Variants in LRMDA observed in about 807,000 individuals in gnomAD.
LRMDA encodes the protein leucine rich melanocyte differentiation associated.
LRMDA carries 18 observed loss-of-function variants against 29.8 expected under a neutral mutation model. The ratio of observed to expected loss-of-function variants is 0.60; its 90% CI spans 0.42 to 0.90. LRMDA has a LOEUF of 0.90. LRMDA is among the 40% of genes least tolerant of loss of function. LRMDA has a pLI of 0.00. For synonymous variants in LRMDA, 125 were observed against 109.4 expected, an observed-to-expected ratio of 1.14 and a Z score of -0.89; for missense variants, 273 against 273.9, an observed-to-expected ratio of 1.00 and a Z score of 0.02.
At chr10:76,216,452 A>C (rs1851730059) in intron 5 of LRMDA, among the ~76,000 whole-genome samples, 1 of 152,224 alleles carries the variant, frequency 6.6e-6, no homozygotes, top group Non-Finnish European at 1.5e-5. Flanking sequence ...AGAGTATGTA[A>C]AGAACTCCTA....
intron 2 of LRMDA, among the ~76,000 whole-genome samples, chr10:75,715,029 T>C (rs1027229043): frequency 1.3e-5 from 2 of 152,174 alleles, no homozygotes; most frequent in African/African-American, 2.4e-5. Flanking sequence ...TTCCATGATA[T>C]TCACATCCCG....
At chr10:76,404,213 C>T (rs77246171) in intron 6 of LRMDA, among the ~76,000 whole-genome samples, 7,006 of 152,174 alleles carry the variant, frequency 0.046, 207 homozygotes, top group African/African-American at 0.09. Flanking sequence ...CACCCAGAGG[C>T]GGACACTCCC....
intron 2 of LRMDA, among the ~76,000 whole-genome samples, chr10:75,439,343 A>G (rs735534): frequency 0.039 from 5,964 of 152,248 alleles, 376 homozygotes; most frequent in African/African-American, 0.14. Context: ...TGAGTGGGAC[A>G]GACTGTCCTG....
intron 5 of LRMDA, among the ~76,000 whole-genome samples, chr10:76,282,146 G>T (rs928517957): frequency 6.6e-6 from 1 of 152,176 alleles, no homozygotes; most frequent in African/African-American, 2.4e-5. Context: ...GGTTTCTGGA[G>T]ATATTAGCCT....
intron 2 of LRMDA, among the ~76,000 whole-genome samples, chr10:75,623,154 T>C (rs1236874670): frequency 6.6e-6 from 1 of 152,222 alleles, no homozygotes; most frequent in Non-Finnish European, 1.5e-5. Context: ...GTAATTGTAA[T>C]TTATAATTTA....
intron 2 of LRMDA, among the ~76,000 whole-genome samples, chr10:75,654,976 A>G (rs1233995170): frequency 6.6e-6 from 1 of 152,258 alleles, no homozygotes; most frequent in African/African-American, 2.4e-5. Context: ...CATAAAAATA[A>G]CAGAAATTTC....
At chr10:76,099,304 A>T (rs1849360801) in intron 5 of LRMDA, among the ~76,000 whole-genome samples, 1 of 152,236 alleles carries the variant, frequency 6.6e-6, no homozygotes, top group Non-Finnish European at 1.5e-5. Flanking sequence ...GACAGCCTGG[A>T]GGTTAGAAGC....
chr10:75,621,168 C>T (rs112607046), intron 2 of LRMDA, among the ~76,000 whole-genome samples: 2 of 151,212 alleles, frequency 1.3e-5, no homozygotes, highest in Non-Finnish European at 2.9e-5. Context: ...ACCATTATTT[C>T]GTTCCTTTTT....
intron 2 of LRMDA, among the ~76,000 whole-genome samples, chr10:75,636,068 A>G (rs4745785): frequency 0.18 from 27,380 of 152,208 alleles, 2,538 homozygotes; most frequent in East Asian, 0.31. Flanking sequence ...GATTAATCCT[A>G]TGCAAATGTT....
chr10:75,737,691 G>A (rs1167894107), intron 2 of LRMDA, among the ~76,000 whole-genome samples: 2 of 152,156 alleles, frequency 1.3e-5, no homozygotes, highest in African/African-American at 4.8e-5. Context: ...CTCAGCCTAA[G>A]TTGGCTAGCT....
At chr10:76,458,170 TGTTTTG>T (rs1564547134) in intron 6 of LRMDA, among the ~76,000 whole-genome samples, 2 of 150,186 alleles carry the variant, frequency 1.3e-5, no homozygotes, top group East Asian at 3.9e-4. Flanking sequence ...AAATTTGGCC[TGTTTTG>T]TATATATTTG....
chr10:75,804,661 G>C (rs541159666), intron 2 of LRMDA, among the ~76,000 whole-genome samples: 1 of 152,200 alleles, frequency 6.6e-6, no homozygotes, highest in Non-Finnish European at 1.5e-5. Flanking sequence ...CTGCCATTCC[G>C]AGGCCTGGGC....
intron 6 of LRMDA, among the ~76,000 whole-genome samples, chr10:76,443,972 A>G (rs867536638): frequency 6.6e-6 from 1 of 152,138 alleles, no homozygotes; most frequent in Non-Finnish European, 1.5e-5. Context: ...TACTTGGATG[A>G]AAGAAAGCCC....
At chr10:76,052,476 G>C (rs994120733) in intron 4 of LRMDA, among the ~76,000 whole-genome samples, 3 of 152,158 alleles carry the variant, frequency 2.0e-5, no homozygotes, top group African/African-American at 4.8e-5. Flanking sequence ...GTTACAGGCA[G>C]GGGGAAAGAA....
chr10:75,912,395 A>G (rs11001545), intron 2 of LRMDA, among the ~76,000 whole-genome samples: 16,522 of 152,132 alleles, frequency 0.11, 1,020 homozygotes, highest in East Asian at 0.24. Flanking sequence ...CAGAATCCAA[A>G]TAGAAGGATC....
chr10:75,551,066 T>C (rs1291204330), intron 2 of LRMDA, among the ~76,000 whole-genome samples: 1 of 151,994 alleles, frequency 6.6e-6, no homozygotes, highest in Non-Finnish European at 1.5e-5. Context: ...GGGAAAATGT[T>C]TTTTTTACTT....
intron 2 of LRMDA, among the ~76,000 whole-genome samples, chr10:75,694,566 T>C (rs1842208964): frequency 6.6e-6 from 1 of 152,180 alleles, no homozygotes; most frequent in Non-Finnish European, 1.5e-5. Context: ...GAATTCAATA[T>C]GTATATGGAG....
chr10:75,904,388 C>G (rs1589247858), intron 2 of LRMDA, among the ~76,000 whole-genome samples: 3 of 152,234 alleles, frequency 2.0e-5, no homozygotes, highest in Admixed American at 2.0e-4. Context: ...AAGCAAGGTC[C>G]ACTGGTGGCC....
chr10:75,668,203 TG>T (rs1841847158), intron 2 of LRMDA, among the ~76,000 whole-genome samples: 1 of 152,192 alleles, frequency 6.6e-6, no homozygotes, highest in Non-Finnish European at 1.5e-5. Flanking sequence ...ATCAGGAGTT[TG>T]GTGTTCTGTT....
Sources: gnomAD v4.1 joint callset for allele counts (sites outside exome capture counted in the v4.1 genomes callset) on GRCh38, gnomAD v4.1.1 for gene constraint, MANE v1.5 for transcripts, NCBI Gene and HGNC (gene_info 2026-07-23, HGNC 2026-07-21) for gene names.